The following SCMH1 variants were observed in gnomAD, a reference collection of about 807,000 sequenced individuals.
The protein encoded by SCMH1 is polycomb protein SCMH1.
SCMH1 carries 37 observed loss-of-function variants against 70.8 expected under a neutral mutation model. The observed-to-expected ratio is 0.52, with a 90% CI of 0.40 to 0.69. The LOEUF is 0.69. Among genes scored for constraint, SCMH1 ranks in the 30% least tolerant of loss-of-function variants. SCMH1 has a pLI of 0.00. For synonymous variants in SCMH1, 292 were observed against 307.4 expected, an observed-to-expected ratio of 0.95 and a Z score of 0.52; for missense variants, 607 against 827.3, an observed-to-expected ratio of 0.73 and a Z score of 3.27.
Position 41,152,672 on chromosome 1 carries a change from C to T in SCMH1, c.107-988G>A, listed in dbSNP as rs764449579. On this transcript the variant is annotated intron_variant, in intron 4 of 14. Coordinates refer to ENST00000337495, the Ensembl canonical transcript of SCMH1. The stretch of plus-strand genomic sequence containing the variant: ...AAGCTAAAACACTGTAGCAAACCAG[C>T]ATTTCTTGAAGTTTCCTCTGTAGTG... 4 of 1,614,176 alleles carry T rather than the reference C, an allele frequency of 2.5e-6. No individual in the cohort carries two copies. In the South Asian group the frequency reaches 4.4e-5, roughly 18 times the overall value.
intron 4 of SCMH1, among the ~76,000 whole-genome samples, chr1:41,156,517 C>T (rs1645562709): frequency 6.6e-6 from 1 of 152,146 alleles, no homozygotes; most frequent in Admixed American, 6.5e-5. Context: ...CAGCTAATTG[C>T]AGCCTTGACC....
chr1:41,177,097 TGCA>T (rs554372091), intron 2 of SCMH1, among the ~76,000 whole-genome samples: 44 of 152,330 alleles, frequency 2.9e-4, no homozygotes, highest in African/African-American at 1.0e-3. Context: ...TCCGCTGTTC[TGCA>T]GCCTCCGCTG....
intron 1 of SCMH1, among the ~76,000 whole-genome samples, chr1:41,221,340 A>G (rs1279446492): frequency 1.3e-5 from 2 of 152,160 alleles, no homozygotes; most frequent in African/African-American, 2.4e-5. Flanking sequence ...TGATGGTTGC[A>G]TAACAATGTG....
intron 1 of SCMH1, among the ~76,000 whole-genome samples, chr1:41,209,745 C>A (rs1462315348): frequency 1.3e-5 from 2 of 152,186 alleles, no homozygotes; most frequent in African/African-American, 4.8e-5. Flanking sequence ...TTATGACAAA[C>A]CCACAGCCAA....
At chr1:41,152,167 C>T (rs570568623) in intron 4 of SCMH1, among the ~76,000 whole-genome samples, 6 of 152,104 alleles carry the variant, frequency 3.9e-5, no homozygotes, top group South Asian at 2.1e-4. Context: ...AGACAAGGGG[C>T]GAGATGATTT....
At chr1:41,227,343 G>C (rs899752782) in intron 1 of SCMH1, among the ~76,000 whole-genome samples, 2 of 152,112 alleles carry the variant, frequency 1.3e-5, no homozygotes, top group East Asian at 1.9e-4. Flanking sequence ...CCTCCTCGTA[G>C]AGCACTAAAC....
chr1:41,181,438 CA>C (rs1557757322), intron 2 of SCMH1, among the ~76,000 whole-genome samples: 1 of 152,138 alleles, frequency 6.6e-6, no homozygotes, highest in Admixed American at 6.5e-5. Context: ...AAAATTTTTG[CA>C]ATCTACTCAT....
intron 6 of SCMH1, among the ~76,000 whole-genome samples, chr1:41,128,452 G>C (rs213758): frequency 0.76 from 116,349 of 152,100 alleles, 45,327 homozygotes; most frequent in African/African-American, 0.92. Context: ...TTAACAACTT[G>C]TTTTCCTTTT....
chr1:41,048,589 TG>T, intron 11 of SCMH1, 100 bp downstream of exon 11: 1 of 1,032,076 alleles, frequency 9.7e-7, no homozygotes, highest in Non-Finnish European at 1.5e-6. Flanking sequence ...TTCCAGAGCC[TG>T]CAGGTATGAA....
At chr1:41,114,056 C>T (rs1669860545) in intron 7 of SCMH1, among the ~76,000 whole-genome samples, 1 of 152,076 alleles carries the variant, frequency 6.6e-6, no homozygotes, top group African/African-American at 2.4e-5. Flanking sequence ...TATTCATTCT[C>T]CTTTGGACAC....
At chr1:41,083,785 T>C (rs1660754806) in intron 8 of SCMH1, among the ~76,000 whole-genome samples, 1 of 151,822 alleles carries the variant, frequency 6.6e-6, no homozygotes, top group African/African-American at 2.4e-5. Context: ...GAGATATAGA[T>C]CAATGGAACA....
intron 8 of SCMH1, among the ~76,000 whole-genome samples, chr1:41,091,317 C>T (rs1351782559): frequency 6.6e-6 from 1 of 152,066 alleles, no homozygotes; most frequent in East Asian, 1.9e-4. Context: ...CAGAAAAGGC[C>T]TTCGACAAAA....
chr1:41,146,323 C>T (rs533764707), intron 5 of SCMH1, among the ~76,000 whole-genome samples: 25 of 151,778 alleles, frequency 1.6e-4, no homozygotes, highest in Admixed American at 3.3e-4. Flanking sequence ...GTTTATAAAG[C>T]GAAAAATTTA....
At chr1:41,224,130 A>C (rs1659815947) in intron 1 of SCMH1, among the ~76,000 whole-genome samples, 1 of 152,130 alleles carries the variant, frequency 6.6e-6, no homozygotes, top group Admixed American at 6.5e-5. Flanking sequence ...TACCTAAAAA[A>C]CGTCTACTCA....
intron 1 of SCMH1, among the ~76,000 whole-genome samples, chr1:41,233,221 A>G (rs1197571208): frequency 6.7e-6 from 1 of 148,548 alleles, no homozygotes. Context: ...AGCCATATAT[A>G]TATAAGCCAT....
intron 2 of SCMH1, among the ~76,000 whole-genome samples, chr1:41,172,269 T>C (rs923639584): frequency 2.1e-5 from 3 of 144,378 alleles, no homozygotes; most frequent in African/African-American, 7.7e-5. Flanking sequence ...AAAATCAACA[T>C]ATAAAAATCA....
At chr1:41,037,460 G>A in exon 13 of SCMH1, 1 of 1,614,260 alleles carries the variant, frequency 6.2e-7, no homozygotes, top group South Asian at 1.1e-5. Context: ...GACAAGGTTG[G>A]TGGGATTTGA....
intron 2 of SCMH1, 23 bp downstream of exon 2, chr1:41,186,098 C>A: frequency 1.3e-6 from 2 of 1,546,752 alleles, no homozygotes; most frequent in Admixed American, 2.0e-5. Context: ...CTTACCTCCA[C>A]GATAGGGTAA....
chr1:41,137,087 A>T (rs902537119), intron 6 of SCMH1, among the ~76,000 whole-genome samples: 1 of 152,156 alleles, frequency 6.6e-6, no homozygotes, highest in African/African-American at 2.4e-5. Context: ...GGCCAGGACC[A>T]GTACTTTGAA....
Sources: gnomAD v4.1 joint callset for allele counts (sites outside exome capture counted in the v4.1 genomes callset) on GRCh38, gnomAD v4.1.1 for gene constraint, MANE v1.5 for transcripts, NCBI Gene and HGNC (gene_info 2026-07-23, HGNC 2026-07-21) for gene names.